Variants in PLEKHA6 observed in about 807,000 individuals in gnomAD.
PLEKHA6 encodes the protein pleckstrin homology domain containing A6.
PLEKHA6 carries 60 observed loss-of-function variants against 116.7 expected under a neutral mutation model. The observed-to-expected ratio is 0.51, with a 90% confidence interval of 0.42 to 0.64. PLEKHA6 has a LOEUF of 0.64. Ranked by LOEUF, PLEKHA6 falls within the 30% of genes least tolerant of loss-of-function variation. The pLI is 0.00. For synonymous variants in PLEKHA6, 489 were observed against 556.1 expected, an observed-to-expected ratio of 0.88 and a Z score of 1.70; for missense variants, 1,338 against 1,422.7, an observed-to-expected ratio of 0.94 and a Z score of 0.96.
chr1:204,346,653 T>C (rs1673064544), intron 1 of PLEKHA6: 2 of 660,664 alleles, frequency 3.0e-6, no homozygotes, highest in Non-Finnish European at 2.7e-6. Context: ...AATGTGGCCA[T>C]GGGTAAGTGA....
intron 1 of PLEKHA6, chr1:204,346,628 C>G (rs1341943490): frequency 1.6e-6 from 1 of 636,710 alleles, no homozygotes; most frequent in Non-Finnish European, 2.8e-6. Flanking sequence ...AATTCTGATT[C>G]CTCCCTCACT....
upstream of PLEKHA6, among the ~76,000 whole-genome samples, chr1:204,364,772 C>A (rs1240871107): frequency 6.6e-6 from 1 of 152,180 alleles, no homozygotes; most frequent in Non-Finnish European, 1.5e-5. Flanking sequence ...GCAGCCACAG[C>A]AGCATAACCT....
chr1:204,328,338 A>G (rs1271456993), intron 1 of PLEKHA6, among the ~76,000 whole-genome samples: 1 of 145,276 alleles, frequency 6.9e-6, no homozygotes, highest in African/African-American at 2.6e-5. Flanking sequence ...CGCCTCGGCC[A>G]CCCAAAGTGC....
intron 1 of PLEKHA6, among the ~76,000 whole-genome samples, chr1:204,312,376 G>C (rs192767103): frequency 7.2e-4 from 110 of 152,298 alleles, no homozygotes; most frequent in African/African-American, 2.5e-3. Flanking sequence ...CTGGGATGGA[G>C]GAAACAAGAG....
chr1:204,297,521 C>T (rs2103065166), intron 1 of PLEKHA6, among the ~76,000 whole-genome samples: 2 of 152,190 alleles, frequency 1.3e-5, no homozygotes, highest in South Asian at 4.2e-4. Context: ...AGTCACAATG[C>T]CTGGATTAGA....
rs568572309 is a variant in PLEKHA6 at position 204,359,109 on chromosome 1, C to T, written c.-95+585G>A. 3.9e-5 allele frequency among the ~76,000 whole-genome samples: 6 copies of T among 152,192 alleles called. No homozygotes were observed. The South Asian group carries it at 1.0e-3, about 26-fold the overall frequency. Reference sequence around the variant, plus strand: ...CCCTCCTCTACCACATACCAGGCTCCAGCTCCTTCAAGAGCTCCCCACTAA... The same window carrying T: ...CCCTCCTCTACCACATACCAGGCTCTAGCTCCTTCAAGAGCTCCCCACTAA... On this transcript the variant is annotated intron_variant, in intron 1 of 22. Coordinates refer to ENST00000272203, the MANE Select transcript of PLEKHA6 (RefSeq NM_014935.5).
intron 13 of PLEKHA6, among the ~76,000 whole-genome samples, chr1:204,246,419 C>T (rs1276058290): frequency 6.6e-6 from 1 of 152,178 alleles, no homozygotes; most frequent in Non-Finnish European, 1.5e-5. Context: ...TGACCACAAC[C>T]CTATCCCCCC....
At chr1:204,367,382 A>T (rs1001589456) in intron 3 of PLEKHA6, among the ~76,000 whole-genome samples, 3 of 152,146 alleles carry the variant, frequency 2.0e-5, no homozygotes, top group Admixed American at 2.0e-4. Context: ...CACCAGTCTG[A>T]TGTCCTCCTT....
intron 1 of PLEKHA6, chr1:204,313,599 G>T (rs1671745546): frequency 1.0e-6 from 1 of 985,022 alleles, no homozygotes; most frequent in Non-Finnish European, 1.2e-6. Context: ...AAATTCTCTT[G>T]TTGGCAGTCT....
intron 1 of PLEKHA6, among the ~76,000 whole-genome samples, chr1:204,335,086 A>G (rs989266127): frequency 2.0e-5 from 3 of 151,978 alleles, no homozygotes; most frequent in African/African-American, 7.3e-5. Context: ...CCCATCTCCT[A>G]GTTTCCACTA....
At chr1:204,354,116 A>G (rs1341679455) in intron 1 of PLEKHA6, among the ~76,000 whole-genome samples, 2 of 152,200 alleles carry the variant, frequency 1.3e-5, no homozygotes, top group Admixed American at 1.3e-4. Flanking sequence ...TGTTCTTCTC[A>G]GATCATGATG....
At chr1:204,281,386 C>G (rs1211057232) in intron 1 of PLEKHA6, among the ~76,000 whole-genome samples, 1 of 151,802 alleles carries the variant, frequency 6.6e-6, no homozygotes, top group Non-Finnish European at 1.5e-5. Context: ...TTAGCCGGGC[C>G]TGGTGGCGGG....
chr1:204,324,914 A>T (rs1241711490), intron 1 of PLEKHA6, among the ~76,000 whole-genome samples: 1 of 151,832 alleles, frequency 6.6e-6, no homozygotes, highest in African/African-American at 2.4e-5. Flanking sequence ...ACAGAATTTT[A>T]TTTATTTATT....
At chr1:204,311,578 A>C (rs896953113) in intron 1 of PLEKHA6, 1 of 974,200 alleles carries the variant, frequency 1.0e-6, no homozygotes, top group East Asian at 1.1e-4. Flanking sequence ...TAACAAAAAA[A>C]AACTAATGAT....
intron 9 of PLEKHA6, among the ~76,000 whole-genome samples, chr1:204,253,453 C>T (rs948646257): frequency 2.6e-5 from 4 of 152,136 alleles, no homozygotes; most frequent in African/African-American, 7.2e-5. Context: ...ACCCTGGGGG[C>T]GAAGCCTACA....
chr1:204,334,667 G>A (rs986385912), intron 1 of PLEKHA6, among the ~76,000 whole-genome samples: 7 of 152,132 alleles, frequency 4.6e-5, no homozygotes, highest in Admixed American at 1.3e-4. Context: ...GGGAGGTCAG[G>A]GTGGGTGGAT....
chr1:204,329,714 G>A (rs1339990147), intron 1 of PLEKHA6, among the ~76,000 whole-genome samples: 3 of 152,098 alleles, frequency 2.0e-5, no homozygotes, highest in Non-Finnish European at 4.4e-5. Flanking sequence ...TAAATGACAC[G>A]ATGAGGATGC....
chr1:204,280,983 T>C lies in PLEKHA6; in HGVS notation c.-94-6174A>G, dbSNP rs146921112. On this transcript the variant is annotated intron_variant, in intron 1 of 22. Transcript: ENST00000272203. ...GAAGAGGTCAAAGAGGGTCAGGCCCTGGCAGCACTTCTAGGTATTTGCAGG... is the reference window on the plus strand; with the variant it reads ...GAAGAGGTCAAAGAGGGTCAGGCCCCGGCAGCACTTCTAGGTATTTGCAGG... 7,612 of 983,932 alleles carry C rather than the reference T, an allele frequency of 7.7e-3. 148 individuals are homozygous for C. The South Asian group carries it at 0.09, about 12-fold the overall frequency. The allele number at this position is 983,932 out of a possible 1,614,324, so 61.0% of individuals were successfully genotyped here. A position where few individuals can be genotyped will look rare whatever the true frequency, so the allele number is the denominator to read the frequency against.
In PLEKHA6 at chr1:204,257,713, G is replaced by A. The variant is rs1411217122; in HGVS notation, c.1164C>T (p.Ala388=). 4 of 1,612,632 alleles carry A rather than the reference G, an allele frequency of 2.5e-6. No individual in the cohort carries two copies. Among genetic ancestry groups the A allele is most frequent in the Middle Eastern group, 1.6e-4 (1 of 6,078 alleles). Residue 388 remains alanine, a synonymous_variant, in exon 9 of 23, where the codon GCC becomes GCT. Coordinates refer to ENST00000272203, the MANE Select transcript of PLEKHA6 (RefSeq NM_014935.5). The surrounding 1 kb of genome is among the most constrained non-coding windows in gnomAD (Gnocchi z 6.5). ...GGAAGGCATGGCGCTTGTCCTCCAG[G>A]GCCCAGGGCGGGCTGATCCGATCAT... is the stretch of plus-strand genomic sequence containing the variant. ...PAYDRISPPW[A]LEDKRHAFRN... is the part of the protein sequence containing the mutation.
Sources: gnomAD v4.1 joint callset for allele counts (sites outside exome capture counted in the v4.1 genomes callset) on GRCh38, gnomAD v4.1.1 for gene constraint, Gnocchi (gnomAD v3.1) non-coding constraint, MANE v1.5 for transcripts, NCBI Gene and HGNC (gene_info 2026-07-23, HGNC 2026-07-21) for gene names.